The following CSRP2 variants were observed in gnomAD, a reference collection of about 807,000 sequenced individuals.
CSRP2 encodes cysteine and glycine rich protein 2.
CSRP2 carries 18 observed loss-of-function variants against 24.6 expected under a neutral mutation model. The ratio of observed to expected loss-of-function variants is 0.73; its 90% CI spans 0.51 to 1.09. CSRP2 has a LOEUF of 1.09. Ranked by LOEUF, CSRP2 falls within the 50% of genes least tolerant of loss-of-function variation. The pLI is 0.00. For missense variants in CSRP2, 215 were observed against 239.4 expected (o/e 0.90, Z 0.67); for synonymous variants, 87 against 84.3 (o/e 1.03, Z -0.18).
At chr12:76,859,968 G>A (rs1953659059) in intron 4 of CSRP2, among the ~76,000 whole-genome samples, 1 of 152,206 alleles carries the variant, frequency 6.6e-6, no homozygotes, top group Non-Finnish European at 1.5e-5. Flanking sequence ...ATTCGCATCA[G>A]GTGTCCTGAC....
In CSRP2 at chr12:76,858,840, T is replaced by C; in HGVS notation, c.*112A>G. 1 of 948,148 alleles carries C rather than the reference T, an allele frequency of 1.1e-6. No individual in the cohort carries two copies. Among genetic ancestry groups the C allele is most frequent in the Non-Finnish European group, 1.7e-6 (1 of 595,984 alleles). 58.7% of individuals were successfully genotyped at this position (948,148 alleles called of 1,614,324 possible). ...GCCAGCCTATCCAAGTACAGGGCGA[T>C]ATACAGTACTTAATGCTGGTAGAAT... On this transcript the variant is annotated 3_prime_UTR_variant, in exon 6 of 6. Coordinates refer to ENST00000311083, the MANE Select transcript of CSRP2 (RefSeq NM_001321.3).
In CSRP2 at chr12:76,860,431, A is replaced by C. The variant is rs761600446; in HGVS notation, c.282-18T>G. ...GCTGAACACTTGTGAAAAGAGGAAA[A>C]AAAAAGTAGGCAAGAGTTTCCACAG... On this transcript the variant is annotated intron_variant, in intron 3 of 5. Coordinates refer to ENST00000311083, the MANE Select transcript of CSRP2 (RefSeq NM_001321.3). 6.2e-7 allele frequency: 1 copy of C among 1,611,990 alleles called. No homozygotes were observed. The highest frequency in any genetic ancestry group is 8.5e-7 in the Non-Finnish European group (1 of 1,178,718).
At chr12:76,873,629 C>A (rs1193718172) in intron 1 of CSRP2, among the ~76,000 whole-genome samples, 1 of 152,194 alleles carries the variant, frequency 6.6e-6, no homozygotes, top group Admixed American at 6.5e-5. Flanking sequence ...CTTAGGGCAA[C>A]AGTACCTTTT....
At chr12:76,877,368 A>G (rs1592515634) in intron 1 of CSRP2, among the ~76,000 whole-genome samples, 1 of 152,384 alleles carries the variant, frequency 6.6e-6, no homozygotes, top group East Asian at 1.9e-4. Flanking sequence ...ACCAGTATCA[A>G]TCAATATTTG....
chr12:76,872,583 G>T (rs1034872091), intron 1 of CSRP2, among the ~76,000 whole-genome samples: 17 of 152,186 alleles, frequency 1.1e-4, no homozygotes, highest in African/African-American at 4.1e-4. Flanking sequence ...ATGGCGCCCT[G>T]CATTTGCATA....
chr12:76,866,920 A>G (rs758146731), intron 1 of CSRP2, among the ~76,000 whole-genome samples: 2 of 152,152 alleles, frequency 1.3e-5, no homozygotes, highest in African/African-American at 2.4e-5. Context: ...GCTCCGGCTT[A>G]AGTTTCTATG....
intron 3 of CSRP2, chr12:76,862,782 G>T (rs1012797902): frequency 2.1e-5 from 30 of 1,407,410 alleles, no homozygotes; most frequent in South Asian, 1.6e-5. Flanking sequence ...TAGAAGGAGT[G>T]ACTTAGGAAT....
chr12:76,859,375 G>T, intron 5 of CSRP2, 172 bp downstream of exon 5: 1 of 606,648 alleles, frequency 1.6e-6, no homozygotes, highest in South Asian at 2.2e-5. Flanking sequence ...AGTTTTAAAT[G>T]ATCAGGAACT....
At chr12:76,868,216 G>A (rs1565825368) in intron 1 of CSRP2, among the ~76,000 whole-genome samples, 1 of 152,110 alleles carries the variant, frequency 6.6e-6, no homozygotes, top group Non-Finnish European at 1.5e-5. Context: ...AACTCATCCT[G>A]TTGAACAGAG....
rs954512689 is a variant in CSRP2 at position 76,878,922 on chromosome 12, C to T, written c.-2+16G>A. 1 of 152,270 alleles carries T rather than the reference C, an allele frequency of 6.6e-6. No homozygotes were observed. Among genetic ancestry groups the T allele is most frequent in the African/African-American group, 2.4e-5 (1 of 41,464 alleles). The allele number at this position is 152,270 out of a possible 1,614,324, so 9.4% of individuals were successfully genotyped here. A position where few individuals can be genotyped will look rare whatever the true frequency, so the allele number is the denominator to read the frequency against. The stretch of plus-strand genomic sequence containing the variant: ...GGTTGGCGGCGCCGCGGAACCGCCC[C>T]ACCGCCCCTACTCACTTGAGTCGGA... On this transcript the variant is annotated intron_variant, in intron 1 of 5. Coordinates refer to ENST00000311083, the MANE Select transcript of CSRP2 (RefSeq NM_001321.3).
chr12:76,861,393 G>A (rs1292986869), intron 3 of CSRP2: 2 of 148,764 alleles, frequency 1.3e-5, no homozygotes, highest in African/African-American at 5.0e-5. Context: ...AAAAAAGGAG[G>A]GTTCACTGGT....
chr12:76,868,548 T>G (rs1181761226), intron 1 of CSRP2, among the ~76,000 whole-genome samples: 5 of 152,348 alleles, frequency 3.3e-5, no homozygotes, highest in Non-Finnish European at 5.9e-5. Flanking sequence ...CATGTGGAAC[T>G]GTGAGTCAAT....
At chr12:76,869,409 A>G (rs541215398) in intron 1 of CSRP2, among the ~76,000 whole-genome samples, 10 of 152,312 alleles carry the variant, frequency 6.6e-5, no homozygotes, top group African/African-American at 2.4e-4. Context: ...AAGGCTGGGC[A>G]TGTGACTCAG....
chr12:76,873,458 C>T (rs1953822095), intron 1 of CSRP2, among the ~76,000 whole-genome samples: 1 of 152,180 alleles, frequency 6.6e-6, no homozygotes, highest in African/African-American at 2.4e-5. Flanking sequence ...ACCACTGAAC[C>T]AAGGATGAAC....
chr12:76,871,454 A>G (rs1953795552), intron 1 of CSRP2, among the ~76,000 whole-genome samples: 1 of 152,224 alleles, frequency 6.6e-6, no homozygotes, highest in African/African-American at 2.4e-5. Context: ...CAACAGTTCC[A>G]CATATGGTGG....
Position 76,863,182 on chromosome 12 carries a change from G to A in CSRP2, c.275C>T (p.Pro92Leu), listed in dbSNP as rs200195116. ...MDRGERLGIK[P>L]ESVQPHRPTT... ...CAACGGTCTCCCAACTCACCTCTCT[G>A]GTTTGATGCCCAGCCTCTCGCCACG... Residue 92 changes from proline (P) to leucine (L), a missense_variant, in exon 3 of 6, where the codon CCA becomes CTA. Pro to Leu is a moderately conservative substitution (Grantham distance 98). Transcript: ENST00000311083. 7.8e-5 allele frequency: 125 copies of A among 1,612,266 alleles called. No homozygotes were observed. Among genetic ancestry groups the A allele is most frequent in the Non-Finnish European group, 9.8e-5 (116 of 1,178,788 alleles).
chr12:76,859,061 C>G (rs1273558953), intron 5 of CSRP2, 33 bp from the exon 6 acceptor site: 9 of 1,593,194 alleles, frequency 5.6e-6, no homozygotes, highest in South Asian at 1.1e-5. Flanking sequence ...ATAGTTAGTG[C>G]AAGTCCATTA....
At chr12:76,860,187 T>C in intron 4 of CSRP2, 97 bp downstream of exon 4, 1 of 1,326,980 alleles carries the variant, frequency 7.5e-7, no homozygotes. Flanking sequence ...GACAGTGATT[T>C]GTAAGACATC....
chr12:76,877,971 C>A (rs1393865898), intron 1 of CSRP2, among the ~76,000 whole-genome samples: 2 of 116,474 alleles, frequency 1.7e-5, no homozygotes, highest in Non-Finnish European at 3.6e-5. Flanking sequence ...CCCACCCCCC[C>A]ACCCCCCAAA....
Sources: allele counts gnomAD v4.1 joint callset (sites outside exome capture counted in the v4.1 genomes callset), GRCh38; gene constraint gnomAD v4.1.1; transcripts MANE v1.5; gene names NCBI Gene and HGNC (gene_info 2026-07-23, HGNC 2026-07-21).